The following ACAP2 variants were observed in gnomAD, a reference collection of about 807,000 sequenced individuals.
ACAP2 encodes the protein arf-GAP with coiled-coil, ANK repeat and PH domain-containing protein 2.
In ACAP2, 39 loss-of-function variants were observed where a neutral mutation model predicts 115.8. The observed-to-expected ratio is 0.34, with a 90% CI of 0.26 to 0.44. The LOEUF is 0.44. ACAP2 is among the 20% of genes least tolerant of loss of function. The pLI is 1.00. For missense variants in ACAP2, 662 were observed against 927.6 expected, an observed-to-expected ratio of 0.71 and a Z score of 3.72; for synonymous variants, 289 against 315.8, an observed-to-expected ratio of 0.92 and a Z score of 0.90.
In ACAP2 at chr3:195,295,157, T is replaced by C. The variant is rs1251596003; in HGVS notation, c.1673-346A>G. 9 of 1,172,322 alleles carry C rather than the reference T, an allele frequency of 7.7e-6. No homozygotes were observed. The South Asian group carries it at 1.2e-4, about 15-fold the overall frequency. 72.6% of individuals were successfully genotyped at this position (1,172,322 alleles called of 1,614,324 possible). On this transcript the variant is annotated intron_variant, in intron 17 of 22. Transcript: ENST00000326793. ...AATGGCCACACCGCACAATGACCAC[T>C]GGCACAGACTTGGAATGCTCCACAA... is the stretch of plus-strand genomic sequence containing the variant.
Position 195,277,717 on chromosome 3 carries a change from A to C in ACAP2, c.*1611T>G, listed in dbSNP as rs926563458. On this transcript the variant is annotated 3_prime_UTR_variant, in exon 23 of 23. Transcript: ENST00000326793. ...AAACCTCTTATTTAGAAAGAGTATC[A>C]ATAATATCATTTACATATAATTTCT... The C allele has an allele frequency of 1.3e-5, 2 of 152,200 alleles. No individual in the cohort carries two copies. Among genetic ancestry groups the C allele is most frequent in the Non-Finnish European group, 2.9e-5 (2 of 68,036 alleles). 9.4% of individuals were successfully genotyped at this position (152,200 alleles called of 1,614,324 possible). A position where few individuals can be genotyped will look rare whatever the true frequency, so the allele number is the denominator to read the frequency against.
intron 9 of ACAP2, 76 bp from the exon 10 acceptor site, chr3:195,320,889 G>T: frequency 1.1e-6 from 1 of 917,706 alleles, no homozygotes; most frequent in Non-Finnish European, 1.7e-6. Flanking sequence ...CCTAAGAAAA[G>T]AGTTCAAAAG....
At position 195,277,145 on chromosome 3, in the gene ACAP2, G is replaced by T. The variant is rs1371630118; in HGVS notation, c.*2183C>A. The T allele has an allele frequency of 6.6e-6, 1 of 152,032 alleles. No homozygotes were observed. The highest frequency in any genetic ancestry group is 1.5e-5 in the Non-Finnish European group (1 of 67,988). 9.4% of individuals were successfully genotyped at this position (152,032 alleles called of 1,614,324 possible). On this transcript the variant is annotated 3_prime_UTR_variant, in exon 23 of 23. Transcript: ENST00000326793. ...CACGCACCAATGGCCAGATCCAAAA[G>T]GAAAACTACCTAGACTTCCTCAGAT... is the stretch of plus-strand genomic sequence containing the variant.
At chr3:195,441,856 C>G (rs1716018601) in intron 1 of ACAP2, 1 of 152,238 alleles carries the variant, frequency 6.6e-6, no homozygotes, top group Non-Finnish European at 1.5e-5. Context: ...AACCTGTGTC[C>G]TGGACGGCCT....
intron 4 of ACAP2, among the ~76,000 whole-genome samples, chr3:195,369,008 TG>T (rs1732933226): frequency 6.6e-6 from 1 of 151,020 alleles, no homozygotes; most frequent in Non-Finnish European, 1.5e-5. Context: ...CACTTGAACC[TG>T]GGAGGCGGAG....
intron 7 of ACAP2, 64 bp downstream of exon 7, chr3:195,336,868 C>T (rs1335716885): frequency 2.2e-5 from 29 of 1,305,050 alleles, no homozygotes; most frequent in South Asian, 1.1e-4. Context: ...TCTTTCAACA[C>T]CTAAATACGT....
At chr3:195,395,237 T>C (rs975202038) in intron 1 of ACAP2, among the ~76,000 whole-genome samples, 8 of 152,102 alleles carry the variant, frequency 5.3e-5, no homozygotes, top group Admixed American at 2.6e-4. Context: ...CTACCCTCCA[T>C]AGCTTAAAAT....
intron 1 of ACAP2, among the ~76,000 whole-genome samples, chr3:195,435,987 C>A (rs1176495526): frequency 1.3e-5 from 2 of 151,972 alleles, no homozygotes; most frequent in African/African-American, 2.4e-5. Flanking sequence ...TTTCTGCCTG[C>A]AATGCTGTTT....
intron 4 of ACAP2, among the ~76,000 whole-genome samples, chr3:195,358,211 A>G (rs1284016597): frequency 1.3e-5 from 2 of 152,176 alleles, no homozygotes; most frequent in Non-Finnish European, 2.9e-5. Context: ...AAAAACCTAG[A>G]TAATAACAAC....
intron 4 of ACAP2, among the ~76,000 whole-genome samples, chr3:195,375,849 T>C (rs766807439): frequency 6.6e-6 from 1 of 152,136 alleles, no homozygotes; most frequent in African/African-American, 2.4e-5. Flanking sequence ...TACATGTTCA[T>C]AGAATTTATG....
intron 1 of ACAP2, among the ~76,000 whole-genome samples, chr3:195,431,678 A>T (rs1405094251): frequency 6.7e-6 from 1 of 149,606 alleles, no homozygotes; most frequent in Admixed American, 6.7e-5. Context: ...CGATCTCCTG[A>T]CCTCATGATA....
chr3:195,422,538 G>C (rs534764897), intron 1 of ACAP2, among the ~76,000 whole-genome samples: 33 of 152,176 alleles, frequency 2.2e-4, no homozygotes, highest in Middle Eastern at 6.8e-3. Flanking sequence ...CTGGAGTGCA[G>C]TGTGCGTCGA....
chr3:195,380,264 T>A (rs545352376), intron 4 of ACAP2, among the ~76,000 whole-genome samples: 2 of 152,156 alleles, frequency 1.3e-5, no homozygotes, highest in African/African-American at 4.8e-5. Context: ...CTAAATATGC[T>A]AACCAACAAA....
intron 15 of ACAP2, among the ~76,000 whole-genome samples, chr3:195,299,949 A>C (rs1289918313): frequency 7.3e-6 from 1 of 136,748 alleles, no homozygotes; most frequent in Non-Finnish European, 1.6e-5. Flanking sequence ...TATTCTTATA[A>C]AAATGAGTGA....
chr3:195,306,852 TA>T (rs36125128), intron 12 of ACAP2: 772 of 205,740 alleles, frequency 3.8e-3, no homozygotes, highest in Middle Eastern at 5.5e-3. Flanking sequence ...ACTGAATATT[TA>T]AAAAAAAAAA....
chr3:195,300,615 C>T (rs1056462148), intron 15 of ACAP2, among the ~76,000 whole-genome samples: 21 of 152,112 alleles, frequency 1.4e-4, no homozygotes, highest in African/African-American at 5.1e-4. Context: ...GCTGAAACAA[C>T]CCAATGGTGT....
Position 195,378,734 on chromosome 3 carries a change from G to A in ACAP2, c.285+2275C>T, listed in dbSNP as rs543845079. Among the ~76,000 whole-genome samples the A allele has an allele frequency of 5.3e-5, 8 of 150,832 alleles. No homozygotes were observed. In the South Asian group the frequency reaches 1.7e-3, roughly 32 times the overall value. On this transcript the variant is annotated intron_variant, in intron 4 of 22. Coordinates refer to ENST00000326793, the MANE Select transcript of ACAP2 (RefSeq NM_012287.6). ...AAATTAGCCAGGCATGGTGGTACAT[G>A]CCTGTAGCCCCAGCAACTTGGGAGG...
intron 2 of ACAP2, among the ~76,000 whole-genome samples, chr3:195,388,893 G>A (rs1046152442): frequency 6.6e-6 from 1 of 151,780 alleles, no homozygotes; most frequent in Non-Finnish European, 1.5e-5. Flanking sequence ...GTGTGGTATC[G>A]TGTCCCTGTA....
chr3:195,361,739 A>C (rs926069558), intron 4 of ACAP2, among the ~76,000 whole-genome samples: 2 of 152,100 alleles, frequency 1.3e-5, no homozygotes, highest in Non-Finnish European at 2.9e-5. Flanking sequence ...AACGAAACAA[A>C]AAGTTGGTTT....
Sources: gnomAD v4.1 joint callset for allele counts (sites outside exome capture counted in the v4.1 genomes callset) on GRCh38, gnomAD v4.1.1 for gene constraint, MANE v1.5 for transcripts, NCBI Gene and HGNC (gene_info 2026-07-23, HGNC 2026-07-21) for gene names.